GAB1: variants seen among roughly 807,000 people sequenced by gnomAD.
GAB1 encodes the protein GRB2 associated binding protein 1, also known as GRB2-associated-binding protein 1.
Under a neutral mutation model 66.5 loss-of-function variants are expected in GAB1, and 19 were observed. That is an observed-to-expected ratio of 0.29 (90% confidence interval 0.20 to 0.42). The LOEUF (loss-of-function observed/expected upper bound fraction) is 0.42. Among genes scored for constraint, GAB1 ranks in the 10% least tolerant of loss-of-function variants. The pLI, the probability that GAB1 is intolerant of heterozygous loss-of-function variation, is 1.00. For synonymous variants in GAB1, 294 were observed against 301.4 expected (o/e 0.98, Z 0.25); for missense variants, 732 against 858.5 (o/e 0.85, Z 1.84).
chr4:143,358,104 G>T (rs914103284), intron 1 of GAB1, among the ~76,000 whole-genome samples: 1 of 152,080 alleles, frequency 6.6e-6, no homozygotes, highest in Non-Finnish European at 1.5e-5. Flanking sequence ...ACATTTTAAT[G>T]ATTATATATT....
At chr4:143,349,830 A>T in intron 1 of GAB1, 1 of 1,585,094 alleles carries the variant, frequency 6.3e-7, no homozygotes, top group African/African-American at 1.3e-5. Flanking sequence ...GCACTGGCAT[A>T]ATCTTCAAAA....
In GAB1 at chr4:143,438,067, A is replaced by C. The variant is rs1734024535; in HGVS notation, c.662A>C (p.Lys221Thr). Residue 221 changes from lysine to threonine, a missense_variant, in exon 4 of 10, where the codon AAA becomes ACA. By Grantham distance (78) the Lys-to-Thr change is moderately conservative. Transcript: ENST00000262994. Reference sequence around the variant, plus strand: ...TGCAATGATAACGTCCCTTCTCATAAAAATCCTGCTTCCTCCCAGAGCAAA... The same window carrying C: ...TGCAATGATAACGTCCCTTCTCATACAAATCCTGCTTCCTCCCAGAGCAAA... ...TDCNDNVPSH[K>T]NPASSQSKHG... 1.2e-6 allele frequency: 2 copies of C among 1,614,142 alleles called. No homozygotes were observed. The highest frequency in any genetic ancestry group is 4.5e-5 in the East Asian group (2 of 44,886).
intron 6 of GAB1, among the ~76,000 whole-genome samples, chr4:143,446,414 T>G (rs1734536991): frequency 6.6e-6 from 1 of 151,934 alleles, no homozygotes; most frequent in South Asian, 2.1e-4. Context: ...CCACCAACAG[T>G]GTAAAAGTGT....
chr4:143,391,309 C>A (rs1352782642), intron 1 of GAB1: 2 of 152,114 alleles, frequency 1.3e-5, no homozygotes, highest in Non-Finnish European at 2.9e-5. Flanking sequence ...GGAAGGGAGT[C>A]TTTTAAGTAT....
At position 143,459,441 on chromosome 4, in the gene GAB1, C is replaced by T; in HGVS notation, c.1642C>T (p.Pro548Ser). ...PLPEWEELQA[P>S]VRSPITRSFA... is the part of the protein sequence containing the mutation. ...GCCAGAATGGGAAGAATTACAAGCC[C>T]CAGTTAGATCTCCCATCACTAGGAG... Residue 548 changes from proline (P) to serine (S), a missense_variant, in exon 7 of 10, where the codon CCA becomes TCA. Pro to Ser is a moderately conservative substitution (Grantham distance 74, BLOSUM62 -1). Coordinates refer to ENST00000262994, the MANE Select transcript of GAB1 (RefSeq NM_002039.4). 6.2e-7 allele frequency: 1 copy of T among 1,607,758 alleles called. No individual in the cohort carries two copies. Among genetic ancestry groups the T allele is most frequent in the Non-Finnish European group, 8.5e-7 (1 of 1,174,400 alleles).
chr4:143,357,072 G>GT (rs774666005), intron 1 of GAB1, among the ~76,000 whole-genome samples: 1 of 152,052 alleles, frequency 6.6e-6, no homozygotes, highest in Non-Finnish European at 1.5e-5. Context: ...TACTCAGCCT[G>GT]TTTTTTTGTC....
At chr4:143,438,708 A>C (rs911510627) in intron 4 of GAB1, 108 bp downstream of exon 4, 1 of 1,206,366 alleles carries the variant, frequency 8.3e-7, no homozygotes, top group Non-Finnish European at 1.2e-6. Flanking sequence ...TACAAAATAC[A>C]GTCCATTTTT....
intron 1 of GAB1, among the ~76,000 whole-genome samples, chr4:143,344,476 C>T (rs1418270535): frequency 6.6e-6 from 1 of 152,186 alleles, no homozygotes; most frequent in Non-Finnish European, 1.5e-5. Flanking sequence ...ATACAGAAAA[C>T]TTATCAAGTC....
Position 143,438,598 on chromosome 4 carries a change from A to G in GAB1, c.1193A>G (p.Lys398Arg). ...ISTVDLNKLR[K>R]DASSQDCYDI... ...ACTGTGGATTTAAACAAATTGCGAA[A>G]AGGTCAGCTCTAGTTGACTTCTTCT... The change falls in exon 4 of 10, where the codon AAA (lysine) becomes AGA (arginine). Residue 398 changes from lysine (K) to arginine (R), a missense_variant and splice_region_variant. Transcript: ENST00000262994. 3.1e-6 allele frequency: 5 copies of G among 1,612,318 alleles called. No homozygotes were observed. The highest frequency in any genetic ancestry group is 4.2e-6 in the Non-Finnish European group (5 of 1,178,990).
At chr4:143,443,864 T>C (rs551841959) in intron 6 of GAB1, among the ~76,000 whole-genome samples, 1 of 152,310 alleles carries the variant, frequency 6.6e-6, no homozygotes, top group African/African-American at 2.4e-5. Context: ...TTATGAGTAA[T>C]TGAAACTGCA....
intron 1 of GAB1, among the ~76,000 whole-genome samples, chr4:143,399,898 T>G (rs1437568351): frequency 6.6e-6 from 1 of 151,794 alleles, no homozygotes. Context: ...TTATCTTACG[T>G]GGAGCATTTG....
chr4:143,395,797 C>T, intron 1 of GAB1: 1 of 436,506 alleles, frequency 2.3e-6, no homozygotes, highest in South Asian at 1.7e-5. Flanking sequence ...AAGCATATCC[C>T]TCCACATACC....
chr4:143,468,534 T>C (rs984866148), intron 9 of GAB1, among the ~76,000 whole-genome samples: 14 of 151,918 alleles, frequency 9.2e-5, no homozygotes, highest in Non-Finnish European at 1.9e-4. Context: ...AATATAATAA[T>C]TTTAAATTTA....
intron 1 of GAB1, among the ~76,000 whole-genome samples, chr4:143,387,289 G>A (rs1038707292): frequency 1.3e-5 from 2 of 152,088 alleles, no homozygotes; most frequent in Admixed American, 6.5e-5. Flanking sequence ...GCGCCACCAC[G>A]CCCGGCTAAT....
intron 1 of GAB1, among the ~76,000 whole-genome samples, chr4:143,370,181 A>G (rs753878805): frequency 2.6e-5 from 4 of 152,232 alleles, no homozygotes; most frequent in Non-Finnish European, 5.9e-5. Context: ...GTAAAAGGGT[A>G]TGGGGCAAGG....
chr4:143,463,495 C>T (rs1186177866), intron 8 of GAB1, among the ~76,000 whole-genome samples: 4 of 151,546 alleles, frequency 2.6e-5, no homozygotes, highest in Non-Finnish European at 4.4e-5. Context: ...TGGTGGCAGG[C>T]GCCTGTAATC....
chr4:143,385,587 A>C (rs1730859932), intron 1 of GAB1, among the ~76,000 whole-genome samples: 1 of 152,162 alleles, frequency 6.6e-6, no homozygotes, highest in Non-Finnish European at 1.5e-5. Flanking sequence ...TCATCTTCAC[A>C]GTCAAAGATG....
intron 2 of GAB1, among the ~76,000 whole-genome samples, chr4:143,418,270 C>T (rs984202282): frequency 9.2e-5 from 14 of 152,182 alleles, no homozygotes; most frequent in Non-Finnish European, 1.0e-4. Flanking sequence ...CAGTTGTTTT[C>T]GTGAAGTTAC....
chr4:143,383,194 C>A (rs1159387264), intron 1 of GAB1, among the ~76,000 whole-genome samples: 5 of 152,122 alleles, frequency 3.3e-5, no homozygotes, highest in African/African-American at 1.2e-4. Context: ...ATGACTCTGG[C>A]CCACTCCCCA....
Sources: gnomAD v4.1 joint callset for allele counts (sites outside exome capture counted in the v4.1 genomes callset) on GRCh38, gnomAD v4.1.1 for gene constraint, MANE v1.5 for transcripts, NCBI Gene and HGNC (gene_info 2026-07-23, HGNC 2026-07-21) for gene names.